NMS: variants seen among roughly 807,000 people sequenced by gnomAD.
NMS encodes neuromedin S.
Under a neutral mutation model 32.2 loss-of-function variants are expected in NMS, and 30 were observed. The ratio of observed to expected loss-of-function variants is 0.93; its 90% CI spans 0.70 to 1.26. The LOEUF is 1.26. NMS is among the 50% of genes most tolerant of loss of function. The pLI is 0.00. For missense variants in NMS, 190 were observed against 186.3 expected (o/e 1.02, Z -0.12); for synonymous variants, 76 against 58.5 (o/e 1.30, Z -1.37).
rs1253121044 is a variant in NMS, at chr2:100,478,376, C to A, written c.261+962C>A. Reference sequence around the variant, plus strand: ...AGTCTTAAGAGGATCCTTAAAAAAGCAAATAACCAGGAAAAAAATGTTTCC... The same window carrying A: ...AGTCTTAAGAGGATCCTTAAAAAAGAAAATAACCAGGAAAAAAATGTTTCC... On this transcript the variant is annotated intron_variant, in intron 5 of 9. Coordinates refer to ENST00000376865, the MANE Select transcript of NMS (RefSeq NM_001011717.1). 3.3e-5 allele frequency among the ~76,000 whole-genome samples: 5 copies of A among 152,188 alleles called. No homozygotes were observed. The East Asian group carries it at 7.7e-4, about 23-fold the overall frequency.
chr2:100,470,702 T>C, intron 1 of NMS, 138 bp downstream of exon 1: 1 of 748,438 alleles, frequency 1.3e-6, no homozygotes, highest in Non-Finnish European at 2.4e-6. Context: ...TGGCTGCAAT[T>C]TGTTGGAACC....
chr2:100,478,878 A>C (rs1677161253), intron 5 of NMS, among the ~76,000 whole-genome samples: 1 of 152,342 alleles, frequency 6.6e-6, no homozygotes, highest in Admixed American at 6.5e-5. Flanking sequence ...CACAGGGAGG[A>C]TTCACAAGGA....
Position 100,481,176 on chromosome 2 carries a change from T to G in NMS, c.414+9T>G. ...CCTTTTTCCTTTTCAGGGTATAGCA[T>G]GTTTTCTCACCTTTGCTTTCTAACC... On this transcript the variant is annotated intron_variant, in intron 8 of 9. Transcript: ENST00000376865. 1 of 1,613,938 alleles carries G rather than the reference T, an allele frequency of 6.2e-7. No homozygotes were observed. The highest frequency in any genetic ancestry group is 8.5e-7 in the Non-Finnish European group (1 of 1,179,778).
chr2:100,477,443 G>C (rs1677133802), intron 5 of NMS, 29 bp downstream of exon 5: 1 of 1,561,674 alleles, frequency 6.4e-7, no homozygotes, highest in African/African-American at 1.4e-5. Context: ...TCATCTGTCT[G>C]TAAAAGTGGC....
intron 1 of NMS, among the ~76,000 whole-genome samples, chr2:100,470,975 G>T (rs1414037671): frequency 6.6e-6 from 1 of 152,236 alleles, no homozygotes; most frequent in East Asian, 1.9e-4. Flanking sequence ...TGGGCAGTTC[G>T]AGAAGGGCGC....
chr2:100,477,175 C>A, intron 3 of NMS, 69 bp from the exon 4 acceptor site: 2 of 1,340,768 alleles, frequency 1.5e-6, no homozygotes, highest in Non-Finnish European at 2.1e-6. Context: ...GTACCTTATA[C>A]AGAAAACGTT....
intron 2 of NMS, 69 bp from the exon 3 acceptor site, chr2:100,473,420 A>C: frequency 1.3e-6 from 1 of 795,494 alleles, no homozygotes; most frequent in Non-Finnish European, 2.0e-6. Flanking sequence ...GTATTTGATT[A>C]CCCATTAATC....
chr2:100,472,199 T>C (rs575523950), intron 1 of NMS, among the ~76,000 whole-genome samples: 3 of 152,360 alleles, frequency 2.0e-5, no homozygotes, highest in African/African-American at 7.2e-5. Flanking sequence ...TTTTGACCTA[T>C]CCAATTGATT....
chr2:100,478,485 G>A (rs1393802956), intron 5 of NMS, among the ~76,000 whole-genome samples: 3 of 151,592 alleles, frequency 2.0e-5, no homozygotes, highest in Non-Finnish European at 4.4e-5. Context: ...TTTTTTTGAC[G>A]GAGTTTCACT....
chr2:100,474,143 T>A (rs2104332208), intron 3 of NMS, among the ~76,000 whole-genome samples: 1 of 152,272 alleles, frequency 6.6e-6, no homozygotes, highest in East Asian at 1.9e-4. Flanking sequence ...CCAGCCTGGG[T>A]GACAGAGCAA....
At chr2:100,472,049 G>A (rs557564413) in intron 1 of NMS, among the ~76,000 whole-genome samples, 3 of 152,236 alleles carry the variant, frequency 2.0e-5, no homozygotes, top group South Asian at 2.1e-4. Flanking sequence ...CAGAGAGAAC[G>A]CAGGGAACAA....
Position 100,473,528 on chromosome 2 carries a change from C to A in NMS, c.172C>A (p.Arg58Ser). 6.9e-7 allele frequency: 1 copy of A among 1,454,056 alleles called. No individual in the cohort carries two copies. Among genetic ancestry groups the A allele is most frequent in the South Asian group, 1.6e-5 (1 of 62,556 alleles). 90.1% of individuals were successfully genotyped at this position (1,454,056 alleles called of 1,614,324 possible). A position where few individuals can be genotyped will look rare whatever the true frequency, so the allele number is the denominator to read the frequency against. The change falls in exon 3 of 10, where the codon CGC (arginine) becomes AGC (serine). Residue 58 changes from arginine (R) to serine (S), a missense_variant. Coordinates refer to ENST00000376865, the MANE Select transcript of NMS (RefSeq NM_001011717.1). ...YCLSQWAPLS[R>S]QPKDNQDIYK... ...TCTGAGTCAGTGGGCACCTCTTTCTCGCCAACCTAAGGTAAAAAAATGTGT... is the reference window on the plus strand; with the variant it reads ...TCTGAGTCAGTGGGCACCTCTTTCTAGCCAACCTAAGGTAAAAAAATGTGT...
At chr2:100,479,808 G>C (rs576303050) in intron 6 of NMS, among the ~76,000 whole-genome samples, 4 of 152,080 alleles carry the variant, frequency 2.6e-5, no homozygotes, top group African/African-American at 7.2e-5. Flanking sequence ...CTAGGTGCCC[G>C]TTGTCCATTT....
At chr2:100,480,633 T>C in intron 7 of NMS, 102 bp downstream of exon 7, 7 of 1,168,638 alleles carry the variant, frequency 6.0e-6, no homozygotes, top group Non-Finnish European at 8.8e-6. Context: ...TCCAGACCAG[T>C]TCTGGGCAGA....
intron 1 of NMS, among the ~76,000 whole-genome samples, chr2:100,471,309 T>C (rs1443446095): frequency 2.0e-5 from 3 of 152,170 alleles, no homozygotes; most frequent in African/African-American, 7.2e-5. Context: ...GAGTAGAAAA[T>C]CTTTGGTAAT....
At chr2:100,472,087 T>G (rs940796836) in intron 1 of NMS, among the ~76,000 whole-genome samples, 1 of 152,210 alleles carries the variant, frequency 6.6e-6, no homozygotes, top group Non-Finnish European at 1.5e-5. Context: ...TTTTGTCTTG[T>G]TTTTAAACAT....
At position 100,482,146 on chromosome 2, in the gene NMS, C is replaced by T. The variant is rs371142947; in HGVS notation, c.415-131C>T. The T allele has an allele frequency of 4.1e-5, 36 of 870,606 alleles. No individual in the cohort carries two copies. In the African/African-American group the frequency reaches 4.2e-4, roughly 10 times the overall value. The allele number at this position is 870,606 out of a possible 1,614,324, so 53.9% of individuals were successfully genotyped here. A position where few individuals can be genotyped will look rare whatever the true frequency, so the allele number is the denominator to read the frequency against. On this transcript the variant is annotated intron_variant, in intron 8 of 9. Coordinates refer to ENST00000376865, the MANE Select transcript of NMS (RefSeq NM_001011717.1). ...AGGGCGAGGGCTTCCCAGGTGAGTCCCCATGGAGGGGAGTGAAGTCCTAGT... is the reference window on the plus strand; with the variant it reads ...AGGGCGAGGGCTTCCCAGGTGAGTCTCCATGGAGGGGAGTGAAGTCCTAGT...
At chr2:100,482,157 G>C in intron 8 of NMS, 120 bp from the exon 9 acceptor site, 1 of 951,030 alleles carries the variant, frequency 1.1e-6, no homozygotes, top group Non-Finnish European at 1.7e-6. Flanking sequence ...CCATGGAGGG[G>C]AGTGAAGTCC....
chr2:100,482,254 T>C, intron 8 of NMS, 23 bp from the exon 9 acceptor site: 1 of 1,612,858 alleles, frequency 6.2e-7, no homozygotes. Flanking sequence ...TCAGTATTCA[T>C]AAGTTGCTCC....
Sources: allele counts gnomAD v4.1 joint callset (sites outside exome capture counted in the v4.1 genomes callset), GRCh38; gene constraint gnomAD v4.1.1; transcripts MANE v1.5; gene names NCBI Gene and HGNC (gene_info 2026-07-23, HGNC 2026-07-21).